TTC28: variants seen among roughly 807,000 people sequenced by gnomAD.
TTC28 encodes tetratricopeptide repeat domain 28, also known as tetratricopeptide repeat protein 28.
A neutral mutation model predicts 198.0 loss-of-function variants in TTC28; 61 were observed. The observed-to-expected ratio is 0.31, with a 90% CI of 0.25 to 0.38. The LOEUF (loss-of-function observed/expected upper bound fraction) is 0.38, where lower values mean the gene tolerates loss of function less well. Among genes scored for constraint, TTC28 ranks in the 10% least tolerant of loss-of-function variants. The probability of loss-of-function intolerance (pLI) is 1.00; values close to 1 mark genes in which losing one functional copy is unlikely to be tolerated. For missense variants in TTC28, 2,678 were observed against 3,164.0 expected (o/e 0.85, Z 3.69); for synonymous variants, 1,171 against 1,297.8 (o/e 0.90, Z 2.10).
chr22:28,644,671 A>G (rs1360726555), intron 1 of TTC28, among the ~76,000 whole-genome samples: 24 of 151,938 alleles, frequency 1.6e-4, no homozygotes, highest in Admixed American at 1.6e-3. Context: ...CTAAAAATAC[A>G]AAAATTAGCC....
chr22:28,605,530 C>T (rs1234841446), intron 2 of TTC28, among the ~76,000 whole-genome samples: 1 of 152,158 alleles, frequency 6.6e-6, no homozygotes, highest in Non-Finnish European at 1.5e-5. Flanking sequence ...TTTTTTATCT[C>T]ATCTCTTATA....
At chr22:28,230,225 G>C (rs1475005760) in intron 5 of TTC28, among the ~76,000 whole-genome samples, 1 of 152,208 alleles carries the variant, frequency 6.6e-6, no homozygotes, top group African/African-American at 2.4e-5. Context: ...GTGGAAGTAT[G>C]TTATATGAGA....
intron 12 of TTC28, among the ~76,000 whole-genome samples, chr22:28,064,363 G>A (rs1227480872): frequency 6.6e-6 from 1 of 151,966 alleles, no homozygotes; most frequent in Non-Finnish European, 1.5e-5. Flanking sequence ...TAACCCTCTG[G>A]GCCTCCCTAC....
Position 28,421,302 on chromosome 22 carries a change from C to T in TTC28, c.382-114659G>A, listed in dbSNP as rs150458285. 3.6e-4 allele frequency among the ~76,000 whole-genome samples: 54 copies of T among 152,110 alleles called. No individual in the cohort carries two copies. The East Asian group carries it at 8.3e-3, about 23-fold the overall frequency. On this transcript the variant is annotated intron_variant, in intron 2 of 22. Transcript: ENST00000397906. Reference sequence around the variant, plus strand: ...TATTTCAAAATTAAACAAATAAAACCACAACGCTGGAAAACTGATTTGTCT... The same window carrying T: ...TATTTCAAAATTAAACAAATAAAACTACAACGCTGGAAAACTGATTTGTCT...
At chr22:28,252,406 T>C (rs1400726242) in intron 5 of TTC28, among the ~76,000 whole-genome samples, 2 of 152,208 alleles carry the variant, frequency 1.3e-5, no homozygotes, top group African/African-American at 2.4e-5. Context: ...GATGATGGTA[T>C]ATATTTCTAC....
At chr22:28,632,517 G>C (rs561596716) in intron 1 of TTC28, among the ~76,000 whole-genome samples, 29 of 151,844 alleles carry the variant, frequency 1.9e-4, no homozygotes, top group Non-Finnish European at 3.2e-4. Flanking sequence ...CATATTGCTT[G>C]AAAGTAAATG....
At chr22:28,292,426 A>C (rs1453759011) in intron 5 of TTC28, among the ~76,000 whole-genome samples, 1 of 152,102 alleles carries the variant, frequency 6.6e-6, no homozygotes, top group Admixed American at 6.5e-5. Context: ...GGGCTCCAGT[A>C]ATCTGCCCAC....
Position 27,996,212 on chromosome 22 carries a change from G to A in TTC28, c.5167C>T (p.Leu1723Phe), listed in dbSNP as rs1356342841. 6.4e-7 allele frequency: 1 copy of A among 1,551,294 alleles called. No homozygotes were observed. Among genetic ancestry groups the A allele is most frequent in the East Asian group, 2.4e-5 (1 of 40,914 alleles). Residue 1723 changes from leucine to phenylalanine, a missense_variant, in exon 17 of 23, where the codon CTC (leucine) becomes TTC (phenylalanine). Leu to Phe is a conservative substitution (Grantham distance 22, BLOSUM62 0). Transcript: ENST00000397906. ...ATCTCTGTGAGGGCCTGGCCGATGA[G>A]TGATGAGGGGCTGTTCAGCTTAACG... ...SDVKLNSPSS[L>F]IGQALTEILQ... is the part of the protein sequence containing the mutation.
chr22:28,511,009 A>C (rs2048680474), intron 2 of TTC28, among the ~76,000 whole-genome samples: 1 of 152,194 alleles, frequency 6.6e-6, no homozygotes, highest in Non-Finnish European at 1.5e-5. Flanking sequence ...ATCAGAGAGG[A>C]CACAAAAAAA....
At chr22:28,651,604 T>C (rs1601665467) in intron 1 of TTC28, among the ~76,000 whole-genome samples, 4 of 149,292 alleles carry the variant, frequency 2.7e-5, no homozygotes, top group South Asian at 2.1e-4. Flanking sequence ...TTTGTAGATA[T>C]AGTCACTTTG....
intron 2 of TTC28, among the ~76,000 whole-genome samples, chr22:28,505,035 TC>T (rs2048589015): frequency 6.6e-6 from 1 of 151,886 alleles, no homozygotes; most frequent in Non-Finnish European, 1.5e-5. Flanking sequence ...GGTGGGCGGA[TC>T]ACAAGGTCAG....
intron 12 of TTC28, among the ~76,000 whole-genome samples, chr22:28,030,814 A>G (rs1052093645): frequency 6.6e-6 from 1 of 152,196 alleles, no homozygotes; most frequent in Non-Finnish European, 1.5e-5. Context: ...GTAACTAAAT[A>G]CCTACATTGT....
intron 2 of TTC28, among the ~76,000 whole-genome samples, chr22:28,334,698 TA>T (rs1356996428): frequency 6.6e-6 from 1 of 152,206 alleles, no homozygotes; most frequent in Non-Finnish European, 1.5e-5. Context: ...TTAATGGGGT[TA>T]TTTTTTTCTT....
intron 2 of TTC28, among the ~76,000 whole-genome samples, chr22:28,329,031 G>A (rs2045576432): frequency 1.3e-5 from 2 of 151,906 alleles, no homozygotes; most frequent in Admixed American, 6.6e-5. Flanking sequence ...TACCCAAGTT[G>A]CACAGATAGT....
At chr22:28,133,069 C>G (rs1473533048) in intron 6 of TTC28, among the ~76,000 whole-genome samples, 1 of 152,020 alleles carries the variant, frequency 6.6e-6, no homozygotes, top group East Asian at 1.9e-4. Context: ...CAAAAAATAC[C>G]AAAATTAGCC....
At chr22:28,054,283 G>C (rs2146714071) in intron 12 of TTC28, among the ~76,000 whole-genome samples, 1 of 152,298 alleles carries the variant, frequency 6.6e-6, no homozygotes, top group East Asian at 1.9e-4. Context: ...CTAATGAGTA[G>C]CTTGGATTGA....
intron 14 of TTC28, chr22:28,007,723 CT>C (rs1379354650): frequency 3.3e-5 from 5 of 152,204 alleles, no homozygotes; most frequent in African/African-American, 4.8e-5. Flanking sequence ...AAGATGTCTG[CT>C]TGTTGAACAC....
At chr22:28,369,817 T>A (rs1020365209) in intron 2 of TTC28, among the ~76,000 whole-genome samples, 7 of 152,130 alleles carry the variant, frequency 4.6e-5, no homozygotes, top group Admixed American at 4.6e-4. Flanking sequence ...ACTTTCAGAA[T>A]AAATGTGTAA....
At chr22:27,996,043 T>C in intron 17 of TTC28, 92 bp downstream of exon 17, 1 of 1,473,634 alleles carries the variant, frequency 6.8e-7, no homozygotes, top group Non-Finnish European at 9.0e-7. Flanking sequence ...CCTCTCCAAC[T>C]GCTCACATCC....
Sources: gnomAD v4.1 joint callset for allele counts (sites outside exome capture counted in the v4.1 genomes callset) on GRCh38, gnomAD v4.1.1 for gene constraint, MANE v1.5 for transcripts, NCBI Gene and HGNC (gene_info 2026-07-23, HGNC 2026-07-21) for gene names.